SLC27A4: variants seen among roughly 807,000 people sequenced by gnomAD.
SLC27A4 encodes the protein long-chain fatty acid transport protein 4.
In SLC27A4, 33 loss-of-function variants were observed where a neutral mutation model predicts 64.4. The ratio of observed to expected loss-of-function variants is 0.51; its 90% confidence interval spans 0.39 to 0.68. The LOEUF (loss-of-function observed/expected upper bound fraction) is 0.68. Among genes scored for constraint, SLC27A4 ranks in the 30% least tolerant of loss-of-function variants. The pLI is 0.00. For synonymous variants in SLC27A4, 377 were observed against 370.0 expected, an observed-to-expected ratio of 1.02 and a Z score of -0.22; for missense variants, 824 against 883.5, an observed-to-expected ratio of 0.93 and a Z score of 0.85.
At chr9:128,342,818 G>A (rs1235944341) in intron 1 of SLC27A4, 2 of 500,444 alleles carry the variant, frequency 4.0e-6, no homozygotes, top group Admixed American at 6.9e-5. Context: ...CAGATACTAA[G>A]GTCTAAAATG....
Position 128,345,132 on chromosome 9 carries a change from C to T in SLC27A4, c.162-23C>T, listed in dbSNP as rs188504231. The T allele has an allele frequency of 2.8e-5, 45 of 1,612,950 alleles. No homozygotes were observed. Among genetic ancestry groups the T allele is most frequent in the Non-Finnish European group, 3.8e-5 (45 of 1,179,982 alleles). ...TCCCTCCCAACCATGGCAGACACAG[C>T]GCCCTCTCTTGTTCACACACAGTGG... is the stretch of plus-strand genomic sequence containing the variant. On this transcript the variant is annotated intron_variant, in intron 2 of 12. Transcript: ENST00000300456. This position sits in a 1 kb window ranked among gnomAD's most constrained non-coding sequence, Gnocchi z 4.1.
At position 128,360,447 on chromosome 9, in the gene SLC27A4, C is replaced by A; in HGVS notation, c.1888C>A (p.Gln630Lys). ...GAAGGGCCGCTACGTCCCGCTGGACCAAGAGGCCTACAGCCGCATCCAGGC... is the reference window on the plus strand; with the variant it reads ...GAAGGGCCGCTACGTCCCGCTGGACAAAGAGGCCTACAGCCGCATCCAGGC... ...AQKGRYVPLD[Q>K]EAYSRIQAGE... The change falls in exon 13 of 13, where the codon CAA (glutamine) becomes AAA (lysine). Residue 630 changes from glutamine (Q) to lysine (K), a missense_variant. Gln to Lys is a moderately conservative substitution (Grantham distance 53). Transcript: ENST00000300456. 1 of 1,614,050 alleles carries A rather than the reference C, an allele frequency of 6.2e-7. No homozygotes were observed. The highest frequency in any genetic ancestry group is 8.5e-7 in the Non-Finnish European group (1 of 1,180,024).
chr9:128,352,155 A>G (rs1187675981), intron 6 of SLC27A4, among the ~76,000 whole-genome samples: 1 of 151,804 alleles, frequency 6.6e-6, no homozygotes, highest in African/African-American at 2.4e-5. Context: ...AGATGGCATC[A>G]CTGTACTCCA....
chr9:128,354,953 CA>C lies in SLC27A4; in HGVS notation c.1325-79del, dbSNP rs139411337. ...GGGCAACAAGAGCAAAACTCCGTCT[CA>C]AAAAAAAAAAAAAAAAAAAAGACGC... is the stretch of plus-strand genomic sequence containing the variant. On this transcript the variant is annotated intron_variant, in intron 9 of 12. Transcript: ENST00000300456. 135,555 of 720,772 alleles carry C rather than the reference CA, an allele frequency of 0.19. 240 individuals are homozygous for C. Among genetic ancestry groups the C allele is most frequent in the Middle Eastern group, 0.21 (448 of 2,084 alleles). The allele number at this position is 720,772 out of a possible 1,614,324, so 44.6% of individuals were successfully genotyped here. A position where few individuals can be genotyped will look rare whatever the true frequency, so the allele number is the denominator to read the frequency against.
intron 2 of SLC27A4, among the ~76,000 whole-genome samples, chr9:128,344,288 T>C (rs933878127): frequency 5.3e-5 from 8 of 151,994 alleles, no homozygotes; most frequent in Non-Finnish European, 8.8e-5. Context: ...GAGGCCGAAG[T>C]GGGTGGATCA....
At chr9:128,354,461 C>T (rs923049328) in intron 9 of SLC27A4, among the ~76,000 whole-genome samples, 7 of 152,134 alleles carry the variant, frequency 4.6e-5, no homozygotes, top group East Asian at 3.9e-4. Context: ...GAGTGGGTCC[C>T]GGCATGGAGC....
Position 128,360,779 on chromosome 9 carries a change from A to G in SLC27A4, c.*288A>G. On this transcript the variant is annotated 3_prime_UTR_variant, in exon 13 of 13. Transcript: ENST00000300456. ...TCAGGATGATGTCTTGGGTGAGGGT[A>G]GGGAGAGGACAAGGGGTCACCGAGC... is the stretch of plus-strand genomic sequence containing the variant. 1 of 460,616 alleles carries G rather than the reference A, an allele frequency of 2.2e-6. No individual in the cohort carries two copies. Among genetic ancestry groups the G allele is most frequent in the Admixed American group, 3.4e-5 (1 of 29,408 alleles). The allele number at this position is 460,616 out of a possible 1,614,324, so 28.5% of individuals were successfully genotyped here.
rs1375260725 is a variant in SLC27A4, at chr9:128,348,685, C to T, written c.697C>T (p.Pro233Ser). ...KDAPKHLPSC[P>S]DKGFTDKLFY... is the part of the protein sequence containing the mutation. Reference sequence around the variant, plus strand: ...TGCTCCCAAGCACCTTCCCAGTTGCCCTGACAAGGGCTTCACAGGTGGGCT... The same window carrying T: ...TGCTCCCAAGCACCTTCCCAGTTGCTCTGACAAGGGCTTCACAGGTGGGCT... The change falls in exon 4 of 13, where the codon CCT becomes TCT. Residue 233 changes from proline (P) to serine (S), a missense_variant. By Grantham distance (74) the Pro-to-Ser change is moderately conservative (BLOSUM62 -1). Coordinates refer to ENST00000300456, the MANE Select transcript of SLC27A4 (RefSeq NM_005094.4). 1 of 1,613,934 alleles carries T rather than the reference C, an allele frequency of 6.2e-7. No individual in the cohort carries two copies. Among genetic ancestry groups the T allele is most frequent in the East Asian group, 2.2e-5 (1 of 44,896 alleles).
chr9:128,348,295 G>A (rs770606260), intron 3 of SLC27A4, among the ~76,000 whole-genome samples: 6 of 152,240 alleles, frequency 3.9e-5, no homozygotes, highest in Admixed American at 6.5e-5. Context: ...AAGAGGGGCT[G>A]TCAATGGTCC....
chr9:128,347,060 C>T lies in SLC27A4; in HGVS notation c.557-1485C>T, dbSNP rs1588557394. On this transcript the variant is annotated intron_variant, in intron 3 of 12. Coordinates refer to ENST00000300456, the MANE Select transcript of SLC27A4 (RefSeq NM_005094.4). ...CAACATGGCTGATGCTAGGTGGCCC[C>T]TCAGTACAATGGTAATCATCCTTGT... Among the ~76,000 whole-genome samples, 3 of 152,126 alleles carry T rather than the reference C, an allele frequency of 2.0e-5. No homozygotes were observed. In the South Asian group the frequency reaches 6.2e-4, roughly 32 times the overall value.
At position 128,360,475 on chromosome 9, in the gene SLC27A4, G is replaced by C; in HGVS notation, c.1916G>C (p.Gly639Ala). ...GAGGCCTACAGCCGCATCCAGGCAG[G>C]CGAGGAGAAGCTGTGATTCCCCCCA... ...DQEAYSRIQA[G>A]EEKL Residue 639 changes from glycine to alanine, a missense_variant, in exon 13 of 13, where the codon GGC (glycine) becomes GCC (alanine). Gly to Ala is a moderately conservative substitution (Grantham distance 60). Transcript: ENST00000300456. 2 of 1,613,980 alleles carry C rather than the reference G, an allele frequency of 1.2e-6. No homozygotes were observed. The highest frequency in any genetic ancestry group is 8.5e-7 in the Non-Finnish European group (1 of 1,180,030).
At position 128,350,266 on chromosome 9, in the gene SLC27A4, C is replaced by T. The variant is rs116039745; in HGVS notation, c.716-46C>T. The T allele has an allele frequency of 5.8e-4, 910 of 1,560,036 alleles. 1 individual carries two copies. In the African/African-American group the frequency reaches 7.3e-3, roughly 12 times the overall value. ...GTGTCCATTTGTGTGACCCTTTGCC[C>T]AGCCCTGAGCTGCCCCCGACAGCCA... On this transcript the variant is annotated intron_variant, in intron 4 of 12. Coordinates refer to ENST00000300456, the MANE Select transcript of SLC27A4 (RefSeq NM_005094.4).
At chr9:128,346,679 C>T (rs1832662219) in intron 3 of SLC27A4, among the ~76,000 whole-genome samples, 1 of 151,676 alleles carries the variant, frequency 6.6e-6, no homozygotes, top group African/African-American at 2.4e-5. Flanking sequence ...TCTAGCCTGG[C>T]AGACAGAGTG....
rs1832889412 is a variant in SLC27A4, at chr9:128,360,689, G to A, written c.*198G>A. The A allele has an allele frequency of 1.6e-6, 1 of 608,948 alleles. No individual in the cohort carries two copies. The highest frequency in any genetic ancestry group is 1.8e-5 in the African/African-American group (1 of 54,128). The allele number at this position is 608,948 out of a possible 1,614,324, so 37.7% of individuals were successfully genotyped here. On this transcript the variant is annotated 3_prime_UTR_variant, in exon 13 of 13. Coordinates refer to ENST00000300456, the MANE Select transcript of SLC27A4 (RefSeq NM_005094.4). ...CAGAGGCTTTCTGTGAAAGTCTCAT[G>A]TCCAAGTTCCGTCTTCTGGGCTGGG...
Position 128,359,323 on chromosome 9 carries a change from T to G in SLC27A4, c.1775-1011T>G, listed in dbSNP as rs1011537132. On this transcript the variant is annotated intron_variant, in intron 12 of 12. Coordinates refer to ENST00000300456, the MANE Select transcript of SLC27A4 (RefSeq NM_005094.4). ...GGGCAACATGGCGAAACCCCATCTC[T>G]ACAAGAAATACAAAACTTGGCCAGG... Among the ~76,000 whole-genome samples, 8 of 152,078 alleles carry G rather than the reference T, an allele frequency of 5.3e-5. 1 individual carries two copies. The South Asian group carries it at 1.7e-3, about 32-fold the overall frequency.
At position 128,360,499 on chromosome 9, in the gene SLC27A4, C is replaced by G; in HGVS notation, c.*8C>G. 3 of 1,613,514 alleles carry G rather than the reference C, an allele frequency of 1.9e-6. No homozygotes were observed. Among genetic ancestry groups the G allele is most frequent in the South Asian group, 1.1e-5 (1 of 91,062 alleles). Reference sequence around the variant, plus strand: ...GGCGAGGAGAAGCTGTGATTCCCCCCATCCCTCTGAGGGCCGGCGGATGCT... The same window carrying G: ...GGCGAGGAGAAGCTGTGATTCCCCCGATCCCTCTGAGGGCCGGCGGATGCT... On this transcript the variant is annotated 3_prime_UTR_variant, in exon 13 of 13. Coordinates refer to ENST00000300456, the MANE Select transcript of SLC27A4 (RefSeq NM_005094.4).
chr9:128,345,150 C>A lies in SLC27A4; in HGVS notation c.162-5C>A. 1 of 1,613,412 alleles carries A rather than the reference C, an allele frequency of 6.2e-7. No homozygotes were observed. Among genetic ancestry groups the A allele is most frequent in the Non-Finnish European group, 8.5e-7 (1 of 1,180,026 alleles). ...GACACAGCGCCCTCTCTTGTTCACA[C>A]ACAGTGGCGGCCTGGTCCTCCTGAA... On this transcript the variant is annotated splice_polypyrimidine_tract_variant and splice_region_variant and intron_variant, in intron 2 of 12. Coordinates refer to ENST00000300456, the MANE Select transcript of SLC27A4 (RefSeq NM_005094.4). This position sits in a 1 kb window ranked among gnomAD's most constrained non-coding sequence, Gnocchi z 4.1.
intron 7 of SLC27A4, 65 bp from the exon 8 acceptor site, chr9:128,352,960 C>A: frequency 7.1e-7 from 1 of 1,403,374 alleles, no homozygotes; most frequent in Non-Finnish European, 9.9e-7. Flanking sequence ...CTTGAGGGAT[C>A]AGGAGAATCC....
chr9:128,360,529 C>T lies in SLC27A4; in HGVS notation c.*38C>T. The T allele has an allele frequency of 6.2e-7, 1 of 1,611,114 alleles. No homozygotes were observed. On this transcript the variant is annotated 3_prime_UTR_variant, in exon 13 of 13. Transcript: ENST00000300456. ...CTCTGAGGGCCGGCGGATGCTGGAT[C>T]CGGAGCCCCAGGTTCCGCCCCAGAG...
Sources: gnomAD v4.1 joint callset for allele counts (sites outside exome capture counted in the v4.1 genomes callset) on GRCh38, gnomAD v4.1.1 for gene constraint, Gnocchi (gnomAD v3.1) non-coding constraint, MANE v1.5 for transcripts, NCBI Gene and HGNC (gene_info 2026-07-23, HGNC 2026-07-21) for gene names.